Variants in ALK observed in about 807,000 individuals in gnomAD.
ALK encodes the protein ALK receptor tyrosine kinase, also known as ALK tyrosine kinase receptor.
A neutral mutation model predicts 163.1 loss-of-function variants in ALK; 74 were observed. That is an observed-to-expected ratio of 0.45 (90% CI 0.38 to 0.55). The LOEUF (loss-of-function observed/expected upper bound fraction) is 0.55. Ranked by LOEUF, ALK falls within the 20% of genes least tolerant of loss-of-function variation. The pLI, the probability that ALK is intolerant of heterozygous loss-of-function variation, is 0.00. For synonymous variants in ALK, 960 were observed against 843.2 expected (o/e 1.14, Z -2.40); for missense variants, 2,063 against 2,105.3 (o/e 0.98, Z 0.39).
chr2:29,897,017 C>T (rs1345135148), intron 1 of ALK, among the ~76,000 whole-genome samples: 2 of 152,210 alleles, frequency 1.3e-5, no homozygotes, highest in African/African-American at 2.4e-5. Flanking sequence ...ATCTACAATC[C>T]ACCTTTAAAA....
intron 3 of ALK, among the ~76,000 whole-genome samples, chr2:29,595,977 T>C (rs1675203560): frequency 6.6e-6 from 1 of 152,054 alleles, no homozygotes; most frequent in South Asian, 2.1e-4. Flanking sequence ...AATGAGAAAA[T>C]GAGGCTGGGG....
chr2:29,226,097 A>G (rs1212089369), intron 18 of ALK, among the ~76,000 whole-genome samples: 2 of 152,200 alleles, frequency 1.3e-5, no homozygotes, highest in South Asian at 4.2e-4. Context: ...GAAGAGGGAC[A>G]CTGGTGGGGC....
intron 5 of ALK, among the ~76,000 whole-genome samples, chr2:29,333,244 C>A (rs1667503553): frequency 6.6e-6 from 1 of 151,994 alleles, no homozygotes; most frequent in South Asian, 2.1e-4. Context: ...GCCTCCCAGG[C>A]AGCTGGGATT....
intron 4 of ALK, among the ~76,000 whole-genome samples, chr2:29,512,473 A>T (rs546161905): frequency 1.6e-4 from 24 of 149,388 alleles, no homozygotes; most frequent in African/African-American, 5.7e-4. Context: ...ACTCTCAATA[A>T]ATTAGGAATT....
intron 4 of ALK, among the ~76,000 whole-genome samples, chr2:29,526,525 A>G (rs763221315): frequency 6.6e-6 from 1 of 152,122 alleles, no homozygotes; most frequent in Non-Finnish European, 1.5e-5. Flanking sequence ...CTTATTGTAT[A>G]TTTATTAGTG....
intron 3 of ALK, among the ~76,000 whole-genome samples, chr2:29,627,125 G>A (rs1020036816): frequency 3.9e-5 from 6 of 152,144 alleles, no homozygotes; most frequent in East Asian, 1.9e-4. Flanking sequence ...CAGGGCTGAC[G>A]GATGCAAAGA....
chr2:29,239,036 T>C (rs188444814), intron 13 of ALK, among the ~76,000 whole-genome samples: 106 of 152,350 alleles, frequency 7.0e-4, no homozygotes, highest in Non-Finnish European at 1.1e-3. Context: ...TAATATATTA[T>C]ATTAGGTTGG....
At chr2:29,557,634 A>G (rs1673899598) in intron 3 of ALK, among the ~76,000 whole-genome samples, 1 of 152,186 alleles carries the variant, frequency 6.6e-6, no homozygotes, top group Non-Finnish European at 1.5e-5. Flanking sequence ...CAAGAAATAG[A>G]CTGTAAGTAC....
In ALK at chr2:29,193,928, G is replaced by T; in HGVS notation, c.4165-6C>A. The T allele has an allele frequency of 6.2e-7, 1 of 1,613,682 alleles. No individual in the cohort carries two copies. The highest frequency in any genetic ancestry group is 8.5e-7 in the Non-Finnish European group (1 of 1,179,730). On this transcript the variant is annotated splice_region_variant and splice_polypyrimidine_tract_variant and intron_variant, in intron 28 of 28. Coordinates refer to ENST00000389048, the MANE Select transcript of ALK (RefSeq NM_004304.5). The stretch of plus-strand genomic sequence containing the variant: ...GTGTTGATTACATCCGGGTCCTGCC[G>T]TAGGGGAAATTATTAAAACTTTGAA...
chr2:29,579,488 T>G (rs1442370918), intron 3 of ALK, among the ~76,000 whole-genome samples: 1 of 152,202 alleles, frequency 6.6e-6, no homozygotes, highest in Non-Finnish European at 1.5e-5. Flanking sequence ...TAGCAAATGT[T>G]CAGCTAGACT....
rs567438064 is a variant in ALK, at chr2:29,193,613, C to G, written c.4474G>C (p.Val1492Leu). 6.2e-7 allele frequency: 1 copy of G among 1,614,228 alleles called. No homozygotes were observed. Among genetic ancestry groups the G allele is most frequent in the South Asian group, 1.1e-5 (1 of 91,086 alleles). ...QSNPPSELHKVHGSRNKPTSL... is the reference protein window; with the variant it reads ...QSNPPSELHKLHGSRNKPTSL... ...GTGGGCTTGTTTCTGGATCCGTGGA[C>G]CTTGTGCAACTCCGAAGGAGGGTTG... Residue 1492 changes from valine to leucine, a missense_variant, in exon 29 of 29, where the codon GTC becomes CTC. Val to Leu is a conservative substitution (Grantham distance 32). Transcript: ENST00000389048.
intron 3 of ALK, among the ~76,000 whole-genome samples, chr2:29,607,515 T>TCAC (rs2148218920): frequency 6.6e-6 from 1 of 152,270 alleles, no homozygotes; most frequent in East Asian, 1.9e-4. Context: ...GCTTTCTCCC[T>TCAC]CACCACTCCC....
At position 29,207,248 on chromosome 2, in the gene ALK, G is replaced by A. The variant is rs768862852; in HGVS notation, c.3861C>T (p.Gly1287=). The A allele has an allele frequency of 1.2e-6, 2 of 1,614,028 alleles. No individual in the cohort carries two copies. The highest frequency in any genetic ancestry group is 1.7e-6 in the Non-Finnish European group (2 of 1,180,004). ...IYRASYYRKG[G]CAMLPVKWMP... ...TCCACTTAACTGGCAGCATGGCACA[G>A]CCTCCCTTTCTATAGTAGCTCGCCC... The change falls in exon 26 of 29, where the codon GGC becomes GGT. Residue 1287 remains glycine, a synonymous_variant. Coordinates refer to ENST00000389048, the MANE Select transcript of ALK (RefSeq NM_004304.5).
chr2:29,328,312 C>T (rs370183442), intron 6 of ALK, 38 bp downstream of exon 6: 15 of 1,613,782 alleles, frequency 9.3e-6, no homozygotes, highest in Non-Finnish European at 1.3e-5. Context: ...TGAGCATGGG[C>T]TGGGCTCAGG....
Position 29,477,878 on chromosome 2 carries a change from C to A in ALK, c.1154+54037G>T, listed in dbSNP as rs186607068. Among the ~76,000 whole-genome samples, 6 of 152,320 alleles carry A rather than the reference C, an allele frequency of 3.9e-5. No individual in the cohort carries two copies. In the East Asian group the frequency reaches 1.2e-3, roughly 29 times the overall value. ...GTGAATGTGATTTAGAATCCGAAAT[C>A]TTGGGTTCTAGCTGGAGGTGCTGTG... is the stretch of plus-strand genomic sequence containing the variant. On this transcript the variant is annotated intron_variant, in intron 4 of 28. Transcript: ENST00000389048.
At chr2:29,371,793 C>T (rs1019410872) in intron 5 of ALK, among the ~76,000 whole-genome samples, 1 of 152,136 alleles carries the variant, frequency 6.6e-6, no homozygotes, top group African/African-American at 2.4e-5. Context: ...ACTGAGAAGA[C>T]ACACTACTCC....
chr2:29,500,338 G>A (rs1329837426), intron 4 of ALK, among the ~76,000 whole-genome samples: 3 of 151,978 alleles, frequency 2.0e-5, no homozygotes, highest in Non-Finnish European at 4.4e-5. Context: ...CCCTGCTACC[G>A]CTCTTGCTCT....
In ALK at chr2:29,214,045, G is replaced by A. The variant is rs2148159474; in HGVS notation, c.3682C>T (p.His1228Tyr). The change falls in exon 24 of 29, where the codon CAC (histidine) becomes TAC (tyrosine). Residue 1228 changes from histidine to tyrosine, a missense_variant. Coordinates refer to ENST00000389048, the MANE Select transcript of ALK (RefSeq NM_004304.5). ...PSSLAMLDLL[H>Y]VARDIACGCQ... Reference sequence around the variant, plus strand: ...CCACAGGCAATGTCCCGAGCCACGTGCAGAAGGTCCAGCATGGCCAGGGAG... The same window carrying A: ...CCACAGGCAATGTCCCGAGCCACGTACAGAAGGTCCAGCATGGCCAGGGAG... 1 of 1,614,108 alleles carries A rather than the reference G, an allele frequency of 6.2e-7. No individual in the cohort carries two copies. Among genetic ancestry groups the A allele is most frequent in the Non-Finnish European group, 8.5e-7 (1 of 1,179,986 alleles).
rs991587448 is a variant in ALK, at chr2:29,501,998, G to A, written c.1154+29917C>T. On this transcript the variant is annotated intron_variant, in intron 4 of 28. Transcript: ENST00000389048. ...TTCACACACATTGTAGCAGGTGTCA[G>A]AATTTCCTTCCTTTCCAAGGTTGAA... Among the ~76,000 whole-genome samples the A allele has an allele frequency of 4.6e-5, 7 of 152,348 alleles. 1 individual carries two copies. The highest frequency in any genetic ancestry group is 4.6e-4 in the Admixed American group (7 of 15,312).
Sources: gnomAD v4.1 joint callset for allele counts (sites outside exome capture counted in the v4.1 genomes callset) on GRCh38, gnomAD v4.1.1 for gene constraint, MANE v1.5 for transcripts, NCBI Gene and HGNC (gene_info 2026-07-23, HGNC 2026-07-21) for gene names.